The following AP1G1 variants were observed in gnomAD, a reference collection of about 807,000 sequenced individuals.
The protein encoded by AP1G1 is adaptor related protein complex 1 subunit gamma 1, also known as AP-1 complex subunit gamma-1.
Under a neutral mutation model 108.3 loss-of-function variants are expected in AP1G1, and 7 were observed. That is an observed-to-expected ratio of 0.06 (90% CI 0.04 to 0.12). AP1G1 has a LOEUF of 0.12. AP1G1 is among the 10% of genes least tolerant of loss of function. The probability of loss-of-function intolerance (pLI) is 1.00; values close to 1 mark genes in which losing one functional copy is unlikely to be tolerated. For missense variants in AP1G1, 756 were observed against 1,010.7 expected (o/e 0.75, Z 3.42); for synonymous variants, 379 against 353.5 (o/e 1.07, Z -0.81).
At chr16:71,756,811 G>A (rs377225143) in intron 11 of AP1G1, among the ~76,000 whole-genome samples, 1 of 151,756 alleles carries the variant, frequency 6.6e-6, no homozygotes, top group South Asian at 2.1e-4. Context: ...GCATGGTGGT[G>A]GGCGCCTGTA....
chr16:71,739,142 C>T (rs754802804), intron 20 of AP1G1, 40 bp from the exon 21 acceptor site: 40 of 1,612,266 alleles, frequency 2.5e-5, no homozygotes, highest in Non-Finnish European at 3.2e-5. Context: ...TGTAGTCAGC[C>T]TAATGCTTGC....
chr16:71,759,963 T>C (rs938910213), intron 10 of AP1G1, among the ~76,000 whole-genome samples: 3 of 152,184 alleles, frequency 2.0e-5, no homozygotes, highest in East Asian at 3.9e-4. Context: ...GTACCAAAAC[T>C]GTATCTATAA....
At chr16:71,742,247 C>G (rs898008847) in intron 19 of AP1G1, 1 of 151,974 alleles carries the variant, frequency 6.6e-6, no homozygotes, top group African/African-American at 2.4e-5. Flanking sequence ...GGAACCTCAT[C>G]TATAATACAA....
In AP1G1 at chr16:71,786,062, G is replaced by A. The variant is rs185488901; in HGVS notation, c.201+3217C>T. On this transcript the variant is annotated intron_variant, in intron 2 of 22. Coordinates refer to ENST00000299980, the MANE Select transcript of AP1G1 (RefSeq NM_001128.6). ...GTGACTCATTGAAACAGAGGAAACA[G>A]AATAAGAACTTAAAATTATGATTCC... 5.3e-5 allele frequency among the ~76,000 whole-genome samples: 8 copies of A among 152,144 alleles called. No homozygotes were observed. In the East Asian group the frequency reaches 1.5e-3, roughly 29 times the overall value.
rs1368210313 is a variant in AP1G1, at chr16:71,736,403, T to A, written c.2269-1696A>T. Among the ~76,000 whole-genome samples, 4 of 148,402 alleles carry A rather than the reference T, an allele frequency of 2.7e-5. No homozygotes were observed. The East Asian group carries it at 7.8e-4, about 29-fold the overall frequency. On this transcript the variant is annotated intron_variant, in intron 21 of 22. Transcript: ENST00000299980. ...ATATGACTTTTTTTTTTTTTTTAGA[T>A]GGAGTCTCGCTCTGTCGCCCAGGCT...
rs955147535 is a variant in AP1G1, at chr16:71,731,328, C to T, written c.*1730G>A. On this transcript the variant is annotated 3_prime_UTR_variant, in exon 23 of 23. Coordinates refer to ENST00000299980, the MANE Select transcript of AP1G1 (RefSeq NM_001128.6). ...TCCCGTGGAGCCTTTAGTTCAACTC[C>T]AGTTTGTCAAATGTTAGGAATATTC... The T allele has an allele frequency of 6.6e-6, 1 of 152,610 alleles. No individual in the cohort carries two copies. Among genetic ancestry groups the T allele is most frequent in the Admixed American group, 6.6e-5 (1 of 15,260 alleles). The allele number at this position is 152,610 out of a possible 1,614,324, so 9.5% of individuals were successfully genotyped here.
At chr16:71,778,009 C>T (rs1011665653) in intron 2 of AP1G1, among the ~76,000 whole-genome samples, 16 of 152,150 alleles carry the variant, frequency 1.1e-4, no homozygotes, top group African/African-American at 3.4e-4. Flanking sequence ...CAGTGACTGA[C>T]GAATACAAGC....
chr16:71,802,496 G>A (rs964301484), intron 1 of AP1G1, among the ~76,000 whole-genome samples: 1 of 152,146 alleles, frequency 6.6e-6, no homozygotes, highest in African/African-American at 2.4e-5. Context: ...TTGGGAGGCC[G>A]AGGTGGGTGG....
rs74027297 is a variant in AP1G1 at position 71,739,868 on chromosome 16, T to A, written c.2000-527A>T. On this transcript the variant is annotated intron_variant, in intron 19 of 22. Coordinates refer to ENST00000299980, the MANE Select transcript of AP1G1 (RefSeq NM_001128.6). ...TTCTATAAAACCAATAAGAAACAGATAACCCAATTTAAAAGTGTCAAGATA... is the reference window on the plus strand; with the variant it reads ...TTCTATAAAACCAATAAGAAACAGAAAACCCAATTTAAAAGTGTCAAGATA... 9.2e-4 allele frequency among the ~76,000 whole-genome samples: 139 copies of A among 151,874 alleles called. 1 individual carries two copies. The highest frequency in any genetic ancestry group is 3.0e-3 in the African/African-American group (126 of 41,404).
intron 1 of AP1G1, among the ~76,000 whole-genome samples, chr16:71,794,343 C>T (rs1413336820): frequency 1.3e-5 from 2 of 152,116 alleles, no homozygotes; most frequent in South Asian, 2.1e-4. Context: ...TTCATTATGG[C>T]TTGTACACTA....
At chr16:71,764,748 G>A (rs2031243970) in intron 7 of AP1G1, 22 bp from the exon 8 acceptor site, 4 of 1,510,734 alleles carry the variant, frequency 2.6e-6, no homozygotes, top group Non-Finnish European at 3.6e-6. Flanking sequence ...AAGATGAGAG[G>A]TGTCAACAAA....
At position 71,731,467 on chromosome 16, in the gene AP1G1, T is replaced by C. The variant is rs544047451; in HGVS notation, c.*1591A>G. 4 of 152,782 alleles carry C rather than the reference T, an allele frequency of 2.6e-5. No individual in the cohort carries two copies. The South Asian group carries it at 8.3e-4, about 32-fold the overall frequency. The allele number at this position is 152,782 out of a possible 1,614,324, so 9.5% of individuals were successfully genotyped here. ...GTTTCCAGGTTTAAGATTGAAGCCA[T>C]AGTAGTCATTATACTGTATTCAATA... On this transcript the variant is annotated 3_prime_UTR_variant, in exon 23 of 23. Transcript: ENST00000299980.
chr16:71,736,752 ATT>A (rs10590605), intron 21 of AP1G1, among the ~76,000 whole-genome samples: 75,792 of 123,832 alleles, frequency 0.61, 23,222 homozygotes, highest in East Asian at 0.8. Context: ...CGCCCGGCTA[ATT>A]TTTTTTTTTT....
At chr16:71,765,676 G>A in intron 6 of AP1G1, 92 bp from the exon 7 acceptor site, 1 of 973,550 alleles carries the variant, frequency 1.0e-6, no homozygotes, top group South Asian at 1.3e-5. Flanking sequence ...AGGGTGTAAG[G>A]GTCCCAGTCC....
chr16:71,788,062 A>G (rs1041990818), intron 2 of AP1G1, among the ~76,000 whole-genome samples: 2 of 152,154 alleles, frequency 1.3e-5, no homozygotes, highest in Admixed American at 1.3e-4. Context: ...ATGTATTTCT[A>G]AAGATGTTGA....
chr16:71,765,501 G>A lies in AP1G1; in HGVS notation c.726C>T (p.Asp242=). 6.2e-7 allele frequency: 1 copy of A among 1,612,144 alleles called. No homozygotes were observed. Among genetic ancestry groups the A allele is most frequent in the East Asian group, 2.2e-5 (1 of 44,804 alleles). ...CTTTCAACCTCACCTGCAAAAAGGGGTCACTGATACCAGAAACATCATGTT... is the reference window on the plus strand; with the variant it reads ...CTTTCAACCTCACCTGCAAAAAGGGATCACTGATACCAGAAACATCATGTT... ...SPEHDVSGIS[D]PFLQVRILRL... The change falls in exon 7 of 23, where the codon GAC becomes GAT. Residue 242 remains aspartate (D), a synonymous_variant. Transcript: ENST00000299980.
chr16:71,749,302 T>TG (rs2145435392), intron 15 of AP1G1, among the ~76,000 whole-genome samples: 1 of 151,650 alleles, frequency 6.6e-6, no homozygotes, highest in Non-Finnish European at 1.5e-5. Context: ...GGCAACACGG[T>TG]GAAACCCTGT....
intron 15 of AP1G1, among the ~76,000 whole-genome samples, chr16:71,749,488 A>C (rs905167698): frequency 3.9e-5 from 6 of 152,012 alleles, no homozygotes; most frequent in Non-Finnish European, 5.9e-5. Flanking sequence ...TATTAAAAAA[A>C]AAAAAACAAA....
intron 1 of AP1G1, chr16:71,807,959 C>T: frequency 8.0e-7 from 1 of 1,254,676 alleles, no homozygotes; most frequent in Admixed American, 2.7e-5. Context: ...ACAGCTCTTG[C>T]CTCCCAAAAG....
Sources: allele counts gnomAD v4.1 joint callset (sites outside exome capture counted in the v4.1 genomes callset), GRCh38; gene constraint gnomAD v4.1.1; transcripts MANE v1.5; gene names NCBI Gene and HGNC (gene_info 2026-07-23, HGNC 2026-07-21).